The following OVOL2 variants were observed in gnomAD, a reference collection of about 807,000 sequenced individuals.
OVOL2 encodes the protein ovo like zinc finger 2.
A neutral mutation model predicts 18.1 loss-of-function variants in OVOL2; 13 were observed. The ratio of observed to expected loss-of-function variants is 0.72; its 90% confidence interval spans 0.47 to 1.14. The LOEUF (loss-of-function observed/expected upper bound fraction) is 1.14. OVOL2 is among the 50% of genes most tolerant of loss of function. The pLI, the probability that OVOL2 is intolerant of heterozygous loss-of-function variation, is 0.00. For synonymous variants in OVOL2, 166 were observed against 162.7 expected (o/e 1.02, Z -0.16); for missense variants, 335 against 383.0 (o/e 0.87, Z 1.05).
chr20:18,041,225 A>G (rs1977477), intron 3 of OVOL2, among the ~76,000 whole-genome samples: 51,175 of 151,492 alleles, frequency 0.34, 9,936 homozygotes, highest in African/African-American at 0.54. Flanking sequence ...GTGCAGTGGC[A>G]TGATCTTGGC....
At position 18,024,807 on chromosome 20, in the gene OVOL2, G is replaced by T; in HGVS notation, c.657C>A (p.Cys219Ter). 1.9e-6 allele frequency: 3 copies of T among 1,614,134 alleles called. No homozygotes were observed. The highest frequency in any genetic ancestry group is 2.5e-6 in the Non-Finnish European group (3 of 1,180,018). Reference sequence around the variant, plus strand: ...CCTCCTGGGTGGGGCCCGTGTAGCCGCAATCCTCGCAGACGTAGAGCTTGT... The same window carrying T: ...CCTCCTGGGTGGGGCCCGTGTAGCCTCAATCCTCGCAGACGTAGAGCTTGT... Reference protein sequence around the residue: ...RRDKLYVCEDCGYTGPTQEDL... With the variant: ...RRDKLYVCED Residue 219 changes from cysteine to a stop codon, truncating the protein, a stop_gained, in exon 4 of 4, where the codon TGC (cysteine) becomes TGA (stop). Transcript: ENST00000278780. LOFTEE classifies it low-confidence loss of function (END_TRUNC).
chr20:18,039,763 AACAC>A (rs1238410127), intron 3 of OVOL2, among the ~76,000 whole-genome samples: 1 of 152,140 alleles, frequency 6.6e-6, no homozygotes, highest in East Asian at 1.9e-4. Flanking sequence ...TCTAAGAGCA[AACAC>A]GCATGATATG....
At chr20:18,040,037 G>T (rs185959631) in intron 3 of OVOL2, among the ~76,000 whole-genome samples, 83 of 152,202 alleles carry the variant, frequency 5.5e-4, no homozygotes, top group Admixed American at 1.8e-3. Context: ...CGATCCTCCA[G>T]CCTCAGTCTC....
At chr20:18,041,791 A>G in intron 2 of OVOL2, 68 bp from the exon 3 acceptor site, 1 of 1,454,496 alleles carries the variant, frequency 6.9e-7, no homozygotes, top group East Asian at 2.4e-5. Flanking sequence ...CACTCAAGAG[A>G]CCCACCTCCC....
chr20:18,035,338 C>T (rs1393928207), intron 3 of OVOL2, among the ~76,000 whole-genome samples: 1 of 152,170 alleles, frequency 6.6e-6, no homozygotes, highest in East Asian at 1.9e-4. Context: ...ATAATCCCAG[C>T]TACAGCTACC....
intron 3 of OVOL2, among the ~76,000 whole-genome samples, chr20:18,027,816 C>T (rs891670070): frequency 2.0e-5 from 3 of 152,036 alleles, no homozygotes; most frequent in Non-Finnish European, 2.9e-5. Context: ...AGGATGGTCT[C>T]GATCTCCCGA....
chr20:18,029,118 C>G (rs1421363906), intron 3 of OVOL2, among the ~76,000 whole-genome samples: 2 of 152,136 alleles, frequency 1.3e-5, no homozygotes, highest in Non-Finnish European at 2.9e-5. Context: ...CCTCTGCCTC[C>G]TGGGTTCAAG....
intron 3 of OVOL2, among the ~76,000 whole-genome samples, chr20:18,035,257 T>C (rs1263968017): frequency 1.4e-4 from 21 of 151,970 alleles, no homozygotes; most frequent in Admixed American, 5.9e-4. Flanking sequence ...TCGAGACCAG[T>C]CTGGCCAACA....
At chr20:18,044,113 C>T (rs1214424856) in intron 2 of OVOL2, among the ~76,000 whole-genome samples, 3 of 152,198 alleles carry the variant, frequency 2.0e-5, no homozygotes, top group African/African-American at 2.4e-5. Flanking sequence ...ACCAGTGCCT[C>T]TCAGACTCCA....
In OVOL2 at chr20:18,047,350, T is replaced by C. The variant is rs142904802; in HGVS notation, c.322-5627A>G. On this transcript the variant is annotated intron_variant, in intron 2 of 3. Transcript: ENST00000278780. Reference sequence around the variant, plus strand: ...CAATATGATGAAACCCCGTCTCTACTAAAAATACAAAAATTAGCCGCGCAT... The same window carrying C: ...CAATATGATGAAACCCCGTCTCTACCAAAAATACAAAAATTAGCCGCGCAT... Among the ~76,000 whole-genome samples, 965 of 151,086 alleles carry C rather than the reference T, an allele frequency of 6.4e-3. 17 individuals are homozygous for C. The highest frequency in any genetic ancestry group is 0.021 in the African/African-American group (864 of 40,954).
Position 18,057,608 on chromosome 20 carries a change from C to G in OVOL2, c.27G>C (p.Arg9Ser), listed in dbSNP as rs1451220710. The G allele has an allele frequency of 1.3e-6, 2 of 1,593,398 alleles. No homozygotes were observed. The highest frequency in any genetic ancestry group is 1.7e-6 in the Non-Finnish European group (2 of 1,169,674). The part of the protein sequence containing the change: MPKVFLVK[R>S]RSLGVSVRSW... ...TGCGGACCGAGACCCCCAGGCTCCTCCTCTTCACCAGGAAGACTTTGGGCA... is the reference window on the plus strand; with the variant it reads ...TGCGGACCGAGACCCCCAGGCTCCTGCTCTTCACCAGGAAGACTTTGGGCA... Residue 9 changes from arginine to serine, a missense_variant, in exon 1 of 4, where the codon AGG (arginine) becomes AGC (serine). Arg to Ser is a moderately radical substitution (Grantham distance 110). Transcript: ENST00000278780. This position sits in a 1 kb window ranked among gnomAD's most constrained non-coding sequence, Gnocchi z 6.3.
chr20:18,027,831 G>A (rs1403740475), intron 3 of OVOL2, among the ~76,000 whole-genome samples: 8 of 152,068 alleles, frequency 5.3e-5, no homozygotes, highest in East Asian at 3.9e-4. Flanking sequence ...TCCCGACCTC[G>A]TGATCCTCCC....
At chr20:18,038,973 A>G (rs2036644951) in intron 3 of OVOL2, among the ~76,000 whole-genome samples, 2 of 152,054 alleles carry the variant, frequency 1.3e-5, no homozygotes, top group African/African-American at 4.8e-5. Flanking sequence ...CCCCCACCCA[A>G]TGGCCAGCTT....
upstream of OVOL2, chr20:18,058,745 A>T: frequency 6.6e-6 from 1 of 152,248 alleles, no homozygotes. Context: ...TACATCTTCT[A>T]GCCGCCCCTA....
chr20:18,052,185 C>G (rs2036776931), intron 2 of OVOL2, among the ~76,000 whole-genome samples: 1 of 152,190 alleles, frequency 6.6e-6, no homozygotes, highest in African/African-American at 2.4e-5. Flanking sequence ...AAAATCCAGA[C>G]TGTTGGGGAC....
intron 2 of OVOL2, among the ~76,000 whole-genome samples, chr20:18,048,157 C>T (rs567530292): frequency 1.3e-5 from 2 of 149,714 alleles, no homozygotes; most frequent in African/African-American, 4.9e-5. Context: ...TGTGGTGGTG[C>T]ACGCCTATAG....
intron 2 of OVOL2, among the ~76,000 whole-genome samples, chr20:18,046,943 CAA>C (rs563761406): frequency 4.7e-5 from 6 of 128,908 alleles, no homozygotes; most frequent in South Asian, 2.5e-4. Context: ...TCTGAAGGAT[CAA>C]AAAAAAAAAA....
At chr20:18,050,928 G>C (rs561373076) in intron 2 of OVOL2, among the ~76,000 whole-genome samples, 1 of 152,312 alleles carries the variant, frequency 6.6e-6, no homozygotes, top group Non-Finnish European at 1.5e-5. Context: ...GCAGGTTACA[G>C]TGGAGCAGGG....
rs1457284742 is a variant in OVOL2, at chr20:18,057,595, C to T, written c.40G>A (p.Val14Ile). ...VFLVKRRSLG[V>I]SVRSWDELPD... ...AGCTCATCCCAGCTGCGGACCGAGA[C>T]CCCCAGGCTCCTCCTCTTCACCAGG... Residue 14 changes from valine (V) to isoleucine (I), a missense_variant, in exon 1 of 4, where the codon GTC becomes ATC. By Grantham distance (29) the Val-to-Ile change is conservative (BLOSUM62 3). Coordinates refer to ENST00000278780, the MANE Select transcript of OVOL2 (RefSeq NM_021220.4). This position sits in a 1 kb window ranked among gnomAD's most constrained non-coding sequence, Gnocchi z 6.3. 5 of 1,596,982 alleles carry T rather than the reference C, an allele frequency of 3.1e-6. No individual in the cohort carries two copies. Among genetic ancestry groups the T allele is most frequent in the Non-Finnish European group, 3.4e-6 (4 of 1,171,578 alleles).
Sources: gnomAD v4.1 joint callset for allele counts (sites outside exome capture counted in the v4.1 genomes callset) on GRCh38, gnomAD v4.1.1 for gene constraint, Gnocchi (gnomAD v3.1) non-coding constraint, MANE v1.5 for transcripts, NCBI Gene and HGNC (gene_info 2026-07-23, HGNC 2026-07-21) for gene names.